Variants in CREBBP observed in about 807,000 individuals in gnomAD.
CREBBP encodes CREB-binding protein.
In CREBBP, 19 loss-of-function variants were observed where a neutral mutation model predicts 265.0. The observed-to-expected ratio is 0.07, with a 90% CI of 0.05 to 0.11. The LOEUF is 0.11. CREBBP is among the 10% of genes least tolerant of loss of function. CREBBP has a pLI of 1.00. For synonymous variants in CREBBP, 1,457 were observed against 1,223.7 expected, an observed-to-expected ratio of 1.19 and a Z score of -3.98; for missense variants, 2,525 against 3,219.0, an observed-to-expected ratio of 0.78 and a Z score of 5.22.
At chr16:3,732,769 C>T (rs1463482974) in intron 28 of CREBBP, among the ~76,000 whole-genome samples, 3 of 151,732 alleles carry the variant, frequency 2.0e-5, no homozygotes, top group Non-Finnish European at 4.4e-5. Context: ...AACGCGATCT[C>T]GGCTCACTGC....
At chr16:3,764,459 A>C (rs750119540) in intron 16 of CREBBP, among the ~76,000 whole-genome samples, 2 of 150,984 alleles carry the variant, frequency 1.3e-5, no homozygotes, top group Non-Finnish European at 3.0e-5. Context: ...ACTGTTTTGT[A>C]GAGACAGGGT....
intron 19 of CREBBP, among the ~76,000 whole-genome samples, chr16:3,753,867 T>C (rs1220679142): frequency 1.3e-5 from 2 of 152,108 alleles, no homozygotes; most frequent in Non-Finnish European, 1.5e-5. Context: ...CATTCTGAAA[T>C]GAAACTCCCA....
intron 2 of CREBBP, among the ~76,000 whole-genome samples, chr16:3,839,859 GAGAA>G (rs905430692): frequency 9.2e-5 from 14 of 151,696 alleles, no homozygotes; most frequent in South Asian, 2.1e-4. Context: ...GGAAGAGTGA[GAGAA>G]AGAAAGAGAA....
intron 1 of CREBBP, among the ~76,000 whole-genome samples, chr16:3,854,629 C>A (rs1210411853): frequency 2.0e-5 from 3 of 152,208 alleles, no homozygotes; most frequent in African/African-American, 7.2e-5. Context: ...TACAGGACAA[C>A]ACCAGATGCC....
chr16:3,745,246 A>G, intron 22 of CREBBP, 31 bp downstream of exon 22: 1 of 1,602,016 alleles, frequency 6.2e-7, no homozygotes, highest in Non-Finnish European at 8.5e-7. Flanking sequence ...TCTGTGCAGA[A>G]CTGCCCTCCA....
At chr16:3,863,162 G>C (rs1056868432) in intron 1 of CREBBP, among the ~76,000 whole-genome samples, 1 of 152,104 alleles carries the variant, frequency 6.6e-6, no homozygotes, top group African/African-American at 2.4e-5. Flanking sequence ...ACCTGGAAAA[G>C]GTAAAATCTA....
rs2141182872 is a variant in CREBBP, at chr16:3,767,837, G to C, written c.3133C>G (p.Pro1045Ala). The C allele has an allele frequency of 1.2e-6, 2 of 1,614,024 alleles. No homozygotes were observed. Among genetic ancestry groups the C allele is most frequent in the Non-Finnish European group, 1.7e-6 (2 of 1,179,990 alleles). ...ETDIAEQKSE[P>A]MEVDEKKPEV... ...GGTTTCTTTTCATCCACTTCCATTG[G>C]TTCTGATTTCTGCTCTGCTATGTCT... is the stretch of plus-strand genomic sequence containing the variant. The change falls in exon 16 of 31, where the codon CCA (proline) becomes GCA (alanine). Residue 1045 changes from proline (P) to alanine (A), a missense_variant. Coordinates refer to ENST00000262367, the MANE Select transcript of CREBBP (RefSeq NM_004380.3).
intron 2 of CREBBP, among the ~76,000 whole-genome samples, chr16:3,831,740 T>C (rs1035492737): frequency 6.6e-6 from 1 of 152,202 alleles, no homozygotes; most frequent in African/African-American, 2.4e-5. Context: ...CTCACACCTA[T>C]AATCCCAGCA....
At chr16:3,780,007 TGAG>T (rs889193639) in intron 8 of CREBBP, among the ~76,000 whole-genome samples, 1 of 151,882 alleles carries the variant, frequency 6.6e-6, no homozygotes, top group Admixed American at 6.6e-5. Context: ...TTCGGGAGGC[TGAG>T]GTGGACGGAT....
intron 5 of CREBBP, among the ~76,000 whole-genome samples, chr16:3,790,366 CTTTTTTTTTTTTTT>C (rs57582399): frequency 3.0e-5 from 2 of 66,588 alleles, no homozygotes; most frequent in African/African-American, 5.9e-5. Context: ...AGGAAACTGG[CTTTTTTTTTTTTTT>C]TTTTTTTTTT....
chr16:3,804,745 T>C (rs937064313), intron 3 of CREBBP, among the ~76,000 whole-genome samples: 1 of 152,240 alleles, frequency 6.6e-6, no homozygotes, highest in Non-Finnish European at 1.5e-5. Flanking sequence ...TGTTAGTAAG[T>C]ATGCAGCACA....
chr16:3,784,751 C>T (rs796707951), intron 5 of CREBBP, among the ~76,000 whole-genome samples: 8 of 152,182 alleles, frequency 5.3e-5, no homozygotes, highest in African/African-American at 1.9e-4. Context: ...ATCCACACCT[C>T]CCCAAGTGCC....
At chr16:3,879,052 T>G (rs529128612) in intron 1 of CREBBP, among the ~76,000 whole-genome samples, 5 of 152,274 alleles carry the variant, frequency 3.3e-5, no homozygotes, top group Admixed American at 2.6e-4. Flanking sequence ...ACATCTACAC[T>G]GTGAAAGCAA....
intron 14 of CREBBP, among the ~76,000 whole-genome samples, chr16:3,770,136 G>A (rs1230259783): frequency 1.3e-5 from 2 of 152,146 alleles, no homozygotes; most frequent in African/African-American, 4.8e-5. Flanking sequence ...TCCCAAAGTA[G>A]TGGGATTACA....
intron 1 of CREBBP, among the ~76,000 whole-genome samples, chr16:3,853,651 C>T (rs138279208): frequency 5.5e-4 from 81 of 146,884 alleles, no homozygotes; most frequent in African/African-American, 1.8e-3. Context: ...AAACACCATA[C>T]ATCGGCCAGG....
intron 13 of CREBBP, among the ~76,000 whole-genome samples, chr16:3,773,017 G>A (rs1334921524): frequency 1.3e-5 from 2 of 151,882 alleles, no homozygotes; most frequent in Admixed American, 6.6e-5. Flanking sequence ...GAACCCGGGA[G>A]GCGGAGGTTG....
At chr16:3,819,111 C>T (rs2054094798) in intron 2 of CREBBP, among the ~76,000 whole-genome samples, 1 of 152,268 alleles carries the variant, frequency 6.6e-6, no homozygotes. Flanking sequence ...AAAGGCAGCC[C>T]AATGCCTCTT....
chr16:3,841,016 C>T (rs1448334399), intron 2 of CREBBP: 1 of 156,580 alleles, frequency 6.4e-6, no homozygotes, highest in Non-Finnish European at 1.5e-5. Context: ...AGCCATAAAC[C>T]TTATTCTTGT....
chr16:3,847,218 A>G (rs2054685916), intron 2 of CREBBP, among the ~76,000 whole-genome samples: 1 of 152,254 alleles, frequency 6.6e-6, no homozygotes, highest in Admixed American at 6.5e-5. Flanking sequence ...GTGCTTATGT[A>G]GTCTGGTTTC....
Sources: gnomAD v4.1 joint callset for allele counts (sites outside exome capture counted in the v4.1 genomes callset) on GRCh38, gnomAD v4.1.1 for gene constraint, MANE v1.5 for transcripts, NCBI Gene and HGNC (gene_info 2026-07-23, HGNC 2026-07-21) for gene names.